Variants in LRRTM4 observed in about 807,000 individuals in gnomAD.
The protein encoded by LRRTM4 is leucine rich repeat transmembrane neuronal 4.
Under a neutral mutation model 47.6 loss-of-function variants are expected in LRRTM4, and 25 were observed. That is an observed-to-expected ratio of 0.53 (90% CI 0.38 to 0.73). LRRTM4 has a LOEUF of 0.73. Among genes scored for constraint, LRRTM4 ranks in the 30% least tolerant of loss-of-function variants. The pLI, the probability that LRRTM4 is intolerant of heterozygous loss-of-function variation, is 0.00. For missense variants in LRRTM4, 638 were observed against 713.4 expected (o/e 0.89, Z 1.20); for synonymous variants, 311 against 269.5 (o/e 1.15, Z -1.51).
At chr2:77,199,083 G>C (rs956044814) in intron 3 of LRRTM4, among the ~76,000 whole-genome samples, 16 of 151,964 alleles carry the variant, frequency 1.1e-4, no homozygotes, top group African/African-American at 3.9e-4. Flanking sequence ...ACTTTCCTGT[G>C]TTTTTCTGAT....
chr2:77,339,704 A>G lies in LRRTM4; in HGVS notation c.1551+178614T>C, dbSNP rs1472406700. Among the ~76,000 whole-genome samples, 3 of 152,012 alleles carry G rather than the reference A, an allele frequency of 2.0e-5. No individual in the cohort carries two copies. The East Asian group carries it at 5.8e-4, about 29-fold the overall frequency. On this transcript the variant is annotated intron_variant, in intron 3 of 3. Transcript: ENST00000409884. ...CTCTCTTGAATGTAATATGCATCAA[A>G]GGCAGATATATGAAGAAAAGATGGA...
chr2:77,081,398 T>C (rs1346348738), intron 3 of LRRTM4, among the ~76,000 whole-genome samples: 1 of 152,124 alleles, frequency 6.6e-6, no homozygotes, highest in Admixed American at 6.6e-5. Context: ...GTAAAAGGTG[T>C]TCACATTATA....
chr2:77,246,443 A>G (rs945466126), intron 3 of LRRTM4, among the ~76,000 whole-genome samples: 1 of 152,166 alleles, frequency 6.6e-6, no homozygotes, highest in Non-Finnish European at 1.5e-5. Context: ...GCTGTTCAAA[A>G]TTGGCACATG....
intron 3 of LRRTM4, among the ~76,000 whole-genome samples, chr2:77,458,286 C>A (rs755517062): frequency 5.3e-5 from 8 of 152,068 alleles, no homozygotes; most frequent in Admixed American, 2.0e-4. Flanking sequence ...CATGGAGTAA[C>A]AAGGGAGCTA....
chr2:76,966,181 A>G (rs1676017024), intron 3 of LRRTM4, among the ~76,000 whole-genome samples: 1 of 151,572 alleles, frequency 6.6e-6, no homozygotes, highest in Non-Finnish European at 1.5e-5. Flanking sequence ...ACATTGGAAC[A>G]TAACAATGAA....
At chr2:77,312,603 G>A (rs564973047) in intron 3 of LRRTM4, among the ~76,000 whole-genome samples, 8 of 151,922 alleles carry the variant, frequency 5.3e-5, no homozygotes, top group East Asian at 1.9e-4. Flanking sequence ...GCATAATTAC[G>A]TATTTGGTTC....
chr2:76,801,764 A>C (rs1193946254), intron 3 of LRRTM4, among the ~76,000 whole-genome samples: 1 of 152,170 alleles, frequency 6.6e-6, no homozygotes, highest in Non-Finnish European at 1.5e-5. Flanking sequence ...CATTAAAAGG[A>C]TCATTCACCA....
At chr2:77,301,367 C>T (rs1677129821) in intron 3 of LRRTM4, among the ~76,000 whole-genome samples, 1 of 151,986 alleles carries the variant, frequency 6.6e-6, no homozygotes, top group South Asian at 2.1e-4. Flanking sequence ...TAAGCAGGCA[C>T]TACCAACATA....
chr2:77,036,844 C>A (rs891356413), intron 3 of LRRTM4, among the ~76,000 whole-genome samples: 3 of 151,540 alleles, frequency 2.0e-5, no homozygotes, highest in Admixed American at 1.3e-4. Context: ...GCGTCCCAAC[C>A]CAACTTAGGG....
At chr2:77,005,622 CATG>C (rs1428498000) in intron 3 of LRRTM4, among the ~76,000 whole-genome samples, 1 of 152,122 alleles carries the variant, frequency 6.6e-6, no homozygotes, top group African/African-American at 2.4e-5. Flanking sequence ...GTGCTTTTGT[CATG>C]ATAATGAATC....
chr2:77,153,812 G>A (rs1232848950), intron 3 of LRRTM4, among the ~76,000 whole-genome samples: 1 of 152,058 alleles, frequency 6.6e-6, no homozygotes, highest in Non-Finnish European at 1.5e-5. Flanking sequence ...GCCTTGTCAG[G>A]AAAAATACTT....
chr2:76,830,431 T>A (rs2103891436), intron 3 of LRRTM4, among the ~76,000 whole-genome samples: 1 of 151,854 alleles, frequency 6.6e-6, no homozygotes, highest in South Asian at 2.1e-4. Context: ...TGTGAAGTAG[T>A]GGAAGAATAA....
intron 3 of LRRTM4, among the ~76,000 whole-genome samples, chr2:77,168,314 G>T (rs1053002580): frequency 6.6e-6 from 1 of 151,400 alleles, no homozygotes; most frequent in Non-Finnish European, 1.5e-5. Flanking sequence ...CCTGTATATT[G>T]GGTAATTTTT....
intron 3 of LRRTM4, among the ~76,000 whole-genome samples, chr2:76,882,268 T>C (rs1672953098): frequency 6.6e-6 from 1 of 152,132 alleles, no homozygotes; most frequent in Non-Finnish European, 1.5e-5. Context: ...TGTGTAGGAG[T>C]GAACAGGGTT....
chr2:77,360,476 T>TGATACGATACGATACGATACGATAC (rs138905032), intron 3 of LRRTM4, among the ~76,000 whole-genome samples: 16 of 123,194 alleles, frequency 1.3e-4, no homozygotes, highest in East Asian at 1.3e-3. Context: ...CAATACGATA[T>TGATACGATACGATACGATACGATAC]GATACGATAC....
chr2:77,419,487 C>G (rs1163281196), intron 3 of LRRTM4, among the ~76,000 whole-genome samples: 1 of 152,102 alleles, frequency 6.6e-6, no homozygotes, highest in Non-Finnish European at 1.5e-5. Context: ...ACTTATAATA[C>G]TTAACGCAAT....
At chr2:77,464,696 T>C (rs1676917571) in intron 3 of LRRTM4, among the ~76,000 whole-genome samples, 1 of 152,142 alleles carries the variant, frequency 6.6e-6, no homozygotes, top group South Asian at 2.1e-4. Flanking sequence ...TGATATCATG[T>C]TGGATAACTA....
chr2:77,458,489 C>A (rs184299486), intron 3 of LRRTM4, among the ~76,000 whole-genome samples: 1 of 152,166 alleles, frequency 6.6e-6, no homozygotes, highest in East Asian at 1.9e-4. Context: ...ACCTGAGAAG[C>A]AGCACTGTGG....
chr2:77,092,364 G>A (rs1040350879), intron 3 of LRRTM4, among the ~76,000 whole-genome samples: 3 of 151,006 alleles, frequency 2.0e-5, no homozygotes, highest in Admixed American at 1.3e-4. Flanking sequence ...TTTATTGATG[G>A]TGGTTCCACC....
Sources: allele counts gnomAD v4.1 joint callset (sites outside exome capture counted in the v4.1 genomes callset), GRCh38; gene constraint gnomAD v4.1.1; transcripts MANE v1.5; gene names NCBI Gene and HGNC (gene_info 2026-07-23, HGNC 2026-07-21).